Variants in CEP44 observed in about 807,000 individuals in gnomAD.
CEP44 encodes the protein centrosomal protein of 44 kDa.
Under a neutral mutation model 46.7 loss-of-function variants are expected in CEP44, and 45 were observed. The observed-to-expected ratio is 0.96, with a 90% CI of 0.76 to 1.24. The LOEUF (loss-of-function observed/expected upper bound fraction) is 1.24. Ranked by LOEUF, CEP44 falls within the 50% of genes most tolerant of loss-of-function variation. The pLI, the probability that CEP44 is intolerant of heterozygous loss-of-function variation, is 0.00. For synonymous variants in CEP44, 142 were observed against 146.0 expected (o/e 0.97, Z 0.20); for missense variants, 475 against 459.7 (o/e 1.03, Z -0.30).
intron 9 of CEP44, 55 bp from the exon 10 acceptor site, chr4:174,316,111 A>G: frequency 6.3e-7 from 1 of 1,580,444 alleles, no homozygotes; most frequent in Non-Finnish European, 8.6e-7. Flanking sequence ...ATATTTTTAG[A>G]TATTTGACTC....
Position 174,318,168 on chromosome 4 carries a change from A to G in CEP44, c.*785A>G. On this transcript the variant is annotated 3_prime_UTR_variant, in exon 12 of 12. Transcript: ENST00000503780. ...AACCTCTGCCTACCGGGTTCAAGTG[A>G]TTCTTGTGCCTCAGCCTCCTGAGTA... 1 of 714,494 alleles carries G rather than the reference A, an allele frequency of 1.4e-6. No homozygotes were observed. The highest frequency in any genetic ancestry group is 1.7e-6 in the Non-Finnish European group (1 of 582,336). 44.3% of individuals were successfully genotyped at this position (714,494 alleles called of 1,614,324 possible). A position where few individuals can be genotyped will look rare whatever the true frequency, so the allele number is the denominator to read the frequency against.
intron 3 of CEP44, among the ~76,000 whole-genome samples, chr4:174,300,857 T>G (rs1739626386): frequency 6.6e-6 from 1 of 152,184 alleles, no homozygotes; most frequent in South Asian, 2.1e-4. Flanking sequence ...TCAAGATTTT[T>G]GAAATTGTTT....
At position 174,308,818 on chromosome 4, in the gene CEP44, A is replaced by T. The variant is rs756305464; in HGVS notation, c.637A>T (p.Met213Leu). 22 of 1,613,200 alleles carry T rather than the reference A, an allele frequency of 1.4e-5. No homozygotes were observed. In the Admixed American group the frequency reaches 3.0e-4, roughly 22 times the overall value. Residue 213 changes from methionine (M) to leucine (L), a missense_variant, in exon 7 of 12, where the codon ATG becomes TTG. By Grantham distance (15) the Met-to-Leu change is conservative (BLOSUM62 2). Transcript: ENST00000503780. ...VSDLNATEIK[M>L]PEVKVPEIKA... ...TGACTTAAATGCTACTGAAATAAAGATGCCTGAAGTAAAGGTTCCTGAAAT... is the reference window on the plus strand; with the variant it reads ...TGACTTAAATGCTACTGAAATAAAGTTGCCTGAAGTAAAGGTTCCTGAAAT...
At position 174,331,742 on chromosome 4, in the gene CEP44, T is replaced by A; in HGVS notation, c.*147T>A. 1 of 1,052,374 alleles carries A rather than the reference T, an allele frequency of 9.5e-7. No homozygotes were observed. Among genetic ancestry groups the A allele is most frequent in the East Asian group, 2.7e-5 (1 of 36,696 alleles). The allele number at this position is 1,052,374 out of a possible 1,614,324, so 65.2% of individuals were successfully genotyped here. A position where few individuals can be genotyped will look rare whatever the true frequency, so the allele number is the denominator to read the frequency against. On this transcript the variant is annotated 3_prime_UTR_variant, in exon 9 of 9. Coordinates refer to the CEP44 transcript ENST00000426172. The surrounding 1 kb of genome is among the most constrained non-coding windows in gnomAD (Gnocchi z 4.5). ...TAATGGGCATATCAAAACTGATGAC[T>A]TTTTCCTTCCTGCTACATGGGTAAC...
At position 174,316,613 on chromosome 4, in the gene CEP44, A is replaced by ATTTTTCTTC. The variant is rs759287451; in HGVS notation, c.1124+48_1124+49insTTTCTTCTT. On this transcript the variant is annotated intron_variant, in intron 11 of 11. Coordinates refer to ENST00000503780, the MANE Select transcript of CEP44 (RefSeq NM_001040157.3). ...ACAGAAATTCATTTCTCTATAGGGA[A>ATTTTTCTTC]TTGTATTGGATTACAGTATATATAG... is the stretch of plus-strand genomic sequence containing the variant. 3 of 1,487,880 alleles carry ATTTTTCTTC rather than the reference A, an allele frequency of 2.0e-6. No homozygotes were observed. In the East Asian group the frequency reaches 6.9e-5, roughly 34 times the overall value. 92.2% of individuals were successfully genotyped at this position (1,487,880 alleles called of 1,614,324 possible). A position where few individuals can be genotyped will look rare whatever the true frequency, so the allele number is the denominator to read the frequency against.
intron 11 of CEP44, 64 bp downstream of exon 11, chr4:174,316,631 A>G: frequency 7.1e-7 from 1 of 1,418,358 alleles, no homozygotes; most frequent in South Asian, 1.3e-5. Flanking sequence ...GGATTACAGT[A>G]TATATAGAAT....
At position 174,319,057 on chromosome 4, in the gene CEP44, C is replaced by G. The variant is rs984868604; in HGVS notation, c.*1674C>G. On this transcript the variant is annotated 3_prime_UTR_variant, in exon 12 of 12. Transcript: ENST00000503780. ...CTCGTGAGCTAAAGCTACTCGCCCACCTGGATGTCCCAAAGTGCTAGATTC... is the reference window on the plus strand; with the variant it reads ...CTCGTGAGCTAAAGCTACTCGCCCAGCTGGATGTCCCAAAGTGCTAGATTC... 4.0e-6 allele frequency: 3 copies of G among 748,074 alleles called. No individual in the cohort carries two copies. The highest frequency in any genetic ancestry group is 4.9e-6 in the Non-Finnish European group (3 of 613,954). The allele number at this position is 748,074 out of a possible 1,614,324, so 46.3% of individuals were successfully genotyped here. A position where few individuals can be genotyped will look rare whatever the true frequency, so the allele number is the denominator to read the frequency against.
Position 174,329,576 on chromosome 4 carries a change from T to A in CEP44, c.1087-1906T>A, listed in dbSNP as rs141228905. Among the ~76,000 whole-genome samples, 657 of 152,300 alleles carry A rather than the reference T, an allele frequency of 4.3e-3. 4 individuals are homozygous for A. The highest frequency in any genetic ancestry group is 0.015 in the African/African-American group (607 of 41,582). ...GCTTCCAGGATAATGTTCTCACACTTTATAGCTTGAAGAATGTACTTTACT... is the reference window on the plus strand; with the variant it reads ...GCTTCCAGGATAATGTTCTCACACTATATAGCTTGAAGAATGTACTTTACT... On this transcript the variant is annotated intron_variant, in intron 8 of 8. Transcript: ENST00000426172. The surrounding 1 kb of genome is among the most constrained non-coding windows in gnomAD (Gnocchi z 4.0).
chr4:174,318,728 C>G lies in CEP44; in HGVS notation c.*1345C>G, dbSNP rs957632982. ...AAAATATTGTTATATGAGTAGAAAT[C>G]ACTTAAATTTTTTTTGTGTTTGTGA... On this transcript the variant is annotated 3_prime_UTR_variant, in exon 12 of 12. Coordinates refer to ENST00000503780, the MANE Select transcript of CEP44 (RefSeq NM_001040157.3). 2.6e-5 allele frequency: 20 copies of G among 774,736 alleles called. No individual in the cohort carries two copies. Among genetic ancestry groups the G allele is most frequent in the Non-Finnish European group, 3.1e-5 (20 of 639,374 alleles). The allele number at this position is 774,736 out of a possible 1,614,324, so 48.0% of individuals were successfully genotyped here.
rs776759740 is a variant in CEP44, at chr4:174,319,746, A to G, written c.*2363A>G. ...CTAATAGGGACTAAAAATCAACTCA[A>G]TATATCATACATTTACACTTACAAA... On this transcript the variant is annotated 3_prime_UTR_variant, in exon 12 of 12. Coordinates refer to ENST00000503780, the MANE Select transcript of CEP44 (RefSeq NM_001040157.3). 1.0e-4 allele frequency: 96 copies of G among 915,224 alleles called. No homozygotes were observed. Among genetic ancestry groups the G allele is most frequent in the Non-Finnish European group, 1.2e-4 (92 of 765,530 alleles). 56.7% of individuals were successfully genotyped at this position (915,224 alleles called of 1,614,324 possible). A position where few individuals can be genotyped will look rare whatever the true frequency, so the allele number is the denominator to read the frequency against.
intron 1 of CEP44, among the ~76,000 whole-genome samples, chr4:174,296,416 G>T (rs1739018547): frequency 6.6e-6 from 1 of 151,818 alleles, no homozygotes; most frequent in African/African-American, 2.4e-5. Flanking sequence ...CTTTCAGTTT[G>T]GTCCTCTAAT....
In CEP44 at chr4:174,314,715, T is replaced by C. The variant is rs1037708097; in HGVS notation, c.962-1451T>C. 4.6e-5 allele frequency among the ~76,000 whole-genome samples: 7 copies of C among 152,206 alleles called. No individual in the cohort carries two copies. The highest frequency in any genetic ancestry group is 1.7e-4 in the African/African-American group (7 of 41,454). ...TACCCACAGAAAAAAATCCAAGATT[T>C]AGTGCATAGTAGATATAGTTCCTGC... On this transcript the variant is annotated intron_variant, in intron 9 of 11. Coordinates refer to ENST00000503780, the MANE Select transcript of CEP44 (RefSeq NM_001040157.3). This position sits in a 1 kb window ranked among gnomAD's most constrained non-coding sequence, Gnocchi z 4.1.
intron 1 of CEP44, among the ~76,000 whole-genome samples, chr4:174,292,559 C>T (rs1738360701): frequency 6.6e-6 from 1 of 152,014 alleles, no homozygotes; most frequent in Non-Finnish European, 1.5e-5. Context: ...ACTTTTTATT[C>T]TTTTTAATAT....
downstream of CEP44, among the ~76,000 whole-genome samples, chr4:174,323,107 TA>T (rs953839496): frequency 6.6e-6 from 1 of 151,928 alleles, no homozygotes; most frequent in Non-Finnish European, 1.5e-5. Flanking sequence ...TTAAAAAATA[TA>T]AAAAACTCCT....
intron 1 of CEP44, 154 bp downstream of exon 1, chr4:174,284,097 C>T: frequency 2.5e-6 from 1 of 399,030 alleles, no homozygotes. Flanking sequence ...CTCTCCCTGT[C>T]GTGCTGGGCC....
Position 174,318,555 on chromosome 4 carries a change from TA to T in CEP44, c.*1174del. The T allele has an allele frequency of 1.2e-6, 1 of 854,798 alleles. No homozygotes were observed. The highest frequency in any genetic ancestry group is 1.4e-6 in the Non-Finnish European group (1 of 711,494). 53.0% of individuals were successfully genotyped at this position (854,798 alleles called of 1,614,324 possible). ...AAACTTGTAGATAAAAGTGTTCCAG[TA>T]ATCAGAAAATCCTCAAGAAAATTGA... On this transcript the variant is annotated 3_prime_UTR_variant, in exon 12 of 12. Coordinates refer to ENST00000503780, the MANE Select transcript of CEP44 (RefSeq NM_001040157.3).
rs1742054536 is a variant in CEP44 at position 174,319,132 on chromosome 4, G to A, written c.*1749G>A. 1 of 984,690 alleles carries A rather than the reference G, an allele frequency of 1.0e-6. No individual in the cohort carries two copies. The highest frequency in any genetic ancestry group is 1.2e-6 in the Non-Finnish European group (1 of 829,420). 61.0% of individuals were successfully genotyped at this position (984,690 alleles called of 1,614,324 possible). A position where few individuals can be genotyped will look rare whatever the true frequency, so the allele number is the denominator to read the frequency against. On this transcript the variant is annotated 3_prime_UTR_variant, in exon 12 of 12. Transcript: ENST00000503780. ...CACATTTTTAGTATTCTAATAAACA[G>A]TTGGTCATCAGAACTTTAAAATGGT... is the stretch of plus-strand genomic sequence containing the variant.
Position 174,329,043 on chromosome 4 carries a change from C to T in CEP44, c.1087-2439C>T, listed in dbSNP as rs1731171474. Among the ~76,000 whole-genome samples the T allele has an allele frequency of 6.6e-6, 1 of 152,082 alleles. No individual in the cohort carries two copies. Among genetic ancestry groups the T allele is most frequent in the Non-Finnish European group, 1.5e-5 (1 of 68,016 alleles). ...CTCATTGCAACCTAGAACCCCTTGG[C>T]TCAAGCAATCCTCCCACAGCAGCCA... On this transcript the variant is annotated intron_variant, in intron 8 of 8. Coordinates refer to the CEP44 transcript ENST00000426172. This position sits in a 1 kb window ranked among gnomAD's most constrained non-coding sequence, Gnocchi z 4.0.
rs1731039057 is a variant in CEP44, at chr4:174,327,607, G to A, written c.1087-3875G>A. The stretch of plus-strand genomic sequence containing the variant: ...TATAGCAATTGTTGTAGGGCAAATA[G>A]GCTAATTGAAGAGTACAGAGCCCCC... On this transcript the variant is annotated intron_variant, in intron 8 of 8. Transcript: ENST00000426172. 3.3e-5 allele frequency among the ~76,000 whole-genome samples: 5 copies of A among 151,994 alleles called. 1 individual carries two copies. The South Asian group carries it at 8.3e-4, about 25-fold the overall frequency.
Sources: allele counts gnomAD v4.1 joint callset (sites outside exome capture counted in the v4.1 genomes callset), GRCh38; gene constraint gnomAD v4.1.1; non-coding constraint Gnocchi (gnomAD v3.1); transcripts MANE v1.5; gene names NCBI Gene and HGNC (gene_info 2026-07-23, HGNC 2026-07-21).